The following AGK variants were observed in gnomAD, a reference collection of about 807,000 sequenced individuals.
AGK encodes acylglycerol kinase.
In AGK, 52 loss-of-function variants were observed where a neutral mutation model predicts 66.4. That is an observed-to-expected ratio of 0.78 (90% CI 0.63 to 0.99). AGK has a LOEUF of 0.99. Among genes scored for constraint, AGK ranks in the 50% least tolerant of loss-of-function variants. AGK has a pLI of 0.00. For missense variants in AGK, 451 were observed against 506.6 expected (o/e 0.89, Z 1.05); for synonymous variants, 182 against 181.1 (o/e 1.00, Z -0.04).
rs796882982 is a variant in AGK, at chr7:141,632,230, TAAAAAAAAAAA to T, written c.589-1667_589-1657del. On this transcript the variant is annotated intron_variant, in intron 9 of 15. Transcript: ENST00000649286. ...TGGGCAACAAGAGTGAAACTCCGTCTAAAAAAAAAAAAAACAAAAAAAACCCACAAAATTTA... is the reference window on the plus strand; with the variant it reads ...TGGGCAACAAGAGTGAAACTCCGTCTAAACAAAAAAAACCCACAAAATTTA... Among the ~76,000 whole-genome samples the T allele has an allele frequency of 6.3e-5, 8 of 127,130 alleles. No homozygotes were observed. The Admixed American group carries it at 6.5e-4, about 10-fold the overall frequency. 83.4% of individuals were successfully genotyped at this position (127,130 alleles called of 152,430 possible).
At chr7:141,651,400 T>C in intron 14 of AGK, 125 bp from the exon 15 acceptor site, 1 of 740,808 alleles carries the variant, frequency 1.3e-6, no homozygotes, top group South Asian at 1.6e-5. Context: ...CAGAATTCTA[T>C]GGCTTAATAG....
chr7:141,594,842 G>A (rs773903280), intron 3 of AGK, among the ~76,000 whole-genome samples: 5 of 151,640 alleles, frequency 3.3e-5, no homozygotes, highest in Non-Finnish European at 5.9e-5. Context: ...TAGTAGAGAC[G>A]GGGTTTCACC....
At chr7:141,607,430 T>C (rs954313533) in intron 5 of AGK, among the ~76,000 whole-genome samples, 38 of 152,204 alleles carry the variant, frequency 2.5e-4, no homozygotes, top group African/African-American at 8.2e-4. Context: ...ATATGCTTAT[T>C]ATCCATCTGT....
At chr7:141,600,429 C>T (rs1796318386) in intron 4 of AGK, among the ~76,000 whole-genome samples, 1 of 152,122 alleles carries the variant, frequency 6.6e-6, no homozygotes, top group Non-Finnish European at 1.5e-5. Context: ...TTGAAATATG[C>T]AAACTCTTTG....
chr7:141,602,806 G>A (rs1187847472), intron 5 of AGK, among the ~76,000 whole-genome samples: 2 of 151,806 alleles, frequency 1.3e-5, no homozygotes, highest in Non-Finnish European at 1.5e-5. Flanking sequence ...TTAAGCTACA[G>A]ATCCACTCTA....
intron 5 of AGK, among the ~76,000 whole-genome samples, chr7:141,606,360 C>A (rs1796460143): frequency 6.6e-6 from 1 of 152,146 alleles, no homozygotes. Flanking sequence ...TCTCTTGTTC[C>A]ATATACTATT....
At chr7:141,646,166 A>C (rs959527672) in intron 13 of AGK, among the ~76,000 whole-genome samples, 2 of 152,128 alleles carry the variant, frequency 1.3e-5, no homozygotes, top group African/African-American at 4.8e-5. Flanking sequence ...GATACAAGAG[A>C]GCCCCATGGA....
chr7:141,593,102 A>G (rs1410616855), intron 2 of AGK, 44 bp from the exon 3 acceptor site: 3 of 1,562,946 alleles, frequency 1.9e-6, no homozygotes, highest in Admixed American at 1.7e-5. Flanking sequence ...TTGGATCATA[A>G]TCTATTAAAG....
At chr7:141,595,433 C>G (rs1796208014) in intron 3 of AGK, among the ~76,000 whole-genome samples, 1 of 152,152 alleles carries the variant, frequency 6.6e-6, no homozygotes, top group Non-Finnish European at 1.5e-5. Context: ...AAGAAATAGT[C>G]TGTCTTTTTC....
In AGK at chr7:141,604,168, T is replaced by C. The variant is rs184169064; in HGVS notation, c.297+2888T>C. Among the ~76,000 whole-genome samples, 8 of 151,986 alleles carry C rather than the reference T, an allele frequency of 5.3e-5. No individual in the cohort carries two copies. The East Asian group carries it at 1.5e-3, about 29-fold the overall frequency. ...CTTTTTATGCCTCAGTAGAAACCACTACTCTTTACAGGGTTTGTTTTCTTT... is the reference window on the plus strand; with the variant it reads ...CTTTTTATGCCTCAGTAGAAACCACCACTCTTTACAGGGTTTGTTTTCTTT... On this transcript the variant is annotated intron_variant, in intron 5 of 15. Coordinates refer to ENST00000649286, the MANE Select transcript of AGK (RefSeq NM_018238.4).
chr7:141,578,244 AG>A (rs1364642746), intron 2 of AGK, among the ~76,000 whole-genome samples: 1 of 146,246 alleles, frequency 6.8e-6, no homozygotes, highest in African/African-American at 2.6e-5. Flanking sequence ...TTACAGTCAA[AG>A]GGGGCTTGTT....
intron 13 of AGK, among the ~76,000 whole-genome samples, chr7:141,648,108 C>T (rs1452917056): frequency 6.6e-6 from 1 of 152,218 alleles, no homozygotes; most frequent in African/African-American, 2.4e-5. Flanking sequence ...TTCAGGCCTC[C>T]TCTCCAAGGC....
chr7:141,588,919 G>A (rs1017165706), intron 2 of AGK, among the ~76,000 whole-genome samples: 6 of 152,250 alleles, frequency 3.9e-5, no homozygotes, highest in Middle Eastern at 3.4e-3. Flanking sequence ...GAGCAGTGAG[G>A]ACACTAGAGA....
In AGK at chr7:141,641,401, G is replaced by T. The variant is rs756179041; in HGVS notation, c.877+3G>T. The T allele has an allele frequency of 1.9e-6, 3 of 1,606,910 alleles. No homozygotes were observed. The South Asian group carries it at 3.3e-5, about 18-fold the overall frequency. ...CTACTGGGCACAACCACAGGATGGT[G>T]AGCAATGTGGCGACTAAAGATTGGA... is the stretch of plus-strand genomic sequence containing the variant. On this transcript the variant is annotated splice_donor_region_variant and intron_variant, in intron 12 of 15. Transcript: ENST00000649286.
chr7:141,584,315 T>C (rs1026296626), intron 2 of AGK, among the ~76,000 whole-genome samples: 3 of 152,126 alleles, frequency 2.0e-5, no homozygotes, highest in Non-Finnish European at 2.9e-5. Flanking sequence ...GGTAATGTCA[T>C]CAGTTAAGGC....
At chr7:141,601,134 A>G (rs1370140786) in intron 4 of AGK, 71 bp from the exon 5 acceptor site, 1 of 1,161,542 alleles carries the variant, frequency 8.6e-7, no homozygotes, top group Non-Finnish European at 1.3e-6. Flanking sequence ...CCTGAAGAAG[A>G]TTGTAAGGCT....
intron 15 of AGK, 121 bp downstream of exon 15, chr7:141,651,730 C>CT: frequency 4.3e-6 from 4 of 933,396 alleles, no homozygotes; most frequent in Non-Finnish European, 6.8e-6. Context: ...TATTGTGTGC[C>CT]AAGCATTTTG....
intron 5 of AGK, among the ~76,000 whole-genome samples, chr7:141,607,224 G>A (rs926399577): frequency 1.3e-5 from 2 of 152,018 alleles, no homozygotes; most frequent in Non-Finnish European, 1.5e-5. Flanking sequence ...TGGTTTTATC[G>A]GAAACTGCCG....
At chr7:141,559,426 T>C (rs894087582) in intron 2 of AGK, among the ~76,000 whole-genome samples, 1 of 152,160 alleles carries the variant, frequency 6.6e-6, no homozygotes, top group Non-Finnish European at 1.5e-5. Context: ...TTTGACCATA[T>C]AGATGAGGAT....
Sources: allele counts gnomAD v4.1 joint callset (sites outside exome capture counted in the v4.1 genomes callset), GRCh38; gene constraint gnomAD v4.1.1; transcripts MANE v1.5; gene names NCBI Gene and HGNC (gene_info 2026-07-23, HGNC 2026-07-21).